GRIN2B: variants seen among roughly 807,000 people sequenced by gnomAD.
GRIN2B encodes the protein glutamate receptor ionotropic, NMDA 2B.
Under a neutral mutation model 114.5 loss-of-function variants are expected in GRIN2B, and 5 were observed. The observed-to-expected ratio is 0.04, with a 90% CI of 0.02 to 0.09. The LOEUF (loss-of-function observed/expected upper bound fraction) is 0.09. Ranked by LOEUF, GRIN2B falls within the 10% of genes least tolerant of loss-of-function variation. GRIN2B has a pLI of 1.00. For missense variants in GRIN2B, 1,108 were observed against 1,943.5 expected (o/e 0.57, Z 8.08); for synonymous variants, 787 against 745.1 (o/e 1.06, Z -0.92).
intron 3 of GRIN2B, among the ~76,000 whole-genome samples, chr12:13,807,931 C>G (rs544405853): frequency 3.0e-4 from 45 of 152,080 alleles, no homozygotes; most frequent in African/African-American, 1.1e-3. Flanking sequence ...GAAAGATAAT[C>G]CATAATCTGT....
chr12:13,642,826 G>T (rs1193295398), intron 5 of GRIN2B, among the ~76,000 whole-genome samples: 1 of 152,132 alleles, frequency 6.6e-6, no homozygotes, highest in Non-Finnish European at 1.5e-5. Context: ...AGCCCAGACT[G>T]GTTTAGTGAC....
chr12:13,655,968 T>G (rs1949859229), intron 5 of GRIN2B, among the ~76,000 whole-genome samples: 1 of 152,204 alleles, frequency 6.6e-6, no homozygotes, highest in Non-Finnish European at 1.5e-5. Flanking sequence ...GTTCCTTACC[T>G]CTTTTGAGAA....
At chr12:13,837,018 C>T (rs1865282152) in intron 3 of GRIN2B, among the ~76,000 whole-genome samples, 1 of 152,216 alleles carries the variant, frequency 6.6e-6, no homozygotes, top group Non-Finnish European at 1.5e-5. Context: ...CATTGGCTTA[C>T]ATCAAATCAT....
At chr12:13,644,131 A>C (rs550507044) in intron 5 of GRIN2B, among the ~76,000 whole-genome samples, 19 of 152,322 alleles carry the variant, frequency 1.2e-4, no homozygotes, top group African/African-American at 4.6e-4. Flanking sequence ...AGGAATCATT[A>C]CATATGGCAG....
At chr12:13,625,757 C>T (rs990207304) in intron 5 of GRIN2B, among the ~76,000 whole-genome samples, 2 of 152,232 alleles carry the variant, frequency 1.3e-5, no homozygotes, top group African/African-American at 2.4e-5. Flanking sequence ...TTTTCATTCA[C>T]GTGCAAATAA....
intron 4 of GRIN2B, among the ~76,000 whole-genome samples, chr12:13,714,428 G>C (rs1401345364): frequency 6.6e-6 from 1 of 151,824 alleles, no homozygotes; most frequent in Non-Finnish European, 1.5e-5. Flanking sequence ...TTTCCCTAGG[G>C]ATTTGAGGAT....
rs1272108299 is a variant in GRIN2B at position 13,584,942 on chromosome 12, C to G, written c.2011-12978G>C. ...CACTGCACTCTACCTCACAGACCAACTTGGGAGGGTACAAGGGATTGTTCC... is the reference window on the plus strand; with the variant it reads ...CACTGCACTCTACCTCACAGACCAAGTTGGGAGGGTACAAGGGATTGTTCC... On this transcript the variant is annotated intron_variant, in intron 10 of 13. Transcript: ENST00000609686. Among the ~76,000 whole-genome samples, 7 of 152,282 alleles carry G rather than the reference C, an allele frequency of 4.6e-5. No individual in the cohort carries two copies. The East Asian group carries it at 1.3e-3, about 29-fold the overall frequency.
intron 5 of GRIN2B, among the ~76,000 whole-genome samples, chr12:13,667,367 T>G (rs1949987047): frequency 6.6e-6 from 1 of 152,118 alleles, no homozygotes; most frequent in South Asian, 2.1e-4. Context: ...GTCCCCTGAT[T>G]GTTCCAGAAT....
At chr12:13,715,889 T>C (rs1018894049) in intron 4 of GRIN2B, among the ~76,000 whole-genome samples, 1 of 151,950 alleles carries the variant, frequency 6.6e-6, no homozygotes, top group African/African-American at 2.4e-5. Context: ...CCAGAAGATC[T>C]GTAGAAGCAG....
intron 4 of GRIN2B, among the ~76,000 whole-genome samples, chr12:13,729,498 A>C (rs1284948561): frequency 6.6e-6 from 1 of 152,078 alleles, no homozygotes; most frequent in Non-Finnish European, 1.5e-5. Flanking sequence ...ACAGTCTTGG[A>C]GGCGGGTGGA....
chr12:13,970,684 TAA>T (rs1862895224), intron 2 of GRIN2B, among the ~76,000 whole-genome samples: 1 of 69,550 alleles, frequency 1.4e-5, no homozygotes, highest in South Asian at 5.4e-4. Context: ...ATGCAGGCTC[TAA>T]ACACACACAC....
intron 5 of GRIN2B, among the ~76,000 whole-genome samples, chr12:13,643,082 G>A (rs1235058015): frequency 1.3e-5 from 2 of 152,128 alleles, no homozygotes; most frequent in South Asian, 2.1e-4. Context: ...CTGTGAAGAC[G>A]AAAGTTATTC....
chr12:13,918,870 C>G (rs1314335511), intron 2 of GRIN2B, among the ~76,000 whole-genome samples: 2 of 152,172 alleles, frequency 1.3e-5, no homozygotes, highest in Non-Finnish European at 2.9e-5. Context: ...GAACAATTAG[C>G]TTGAAAGTCA....
At chr12:13,917,999 C>T (rs1001089430) in intron 2 of GRIN2B, among the ~76,000 whole-genome samples, 2 of 152,086 alleles carry the variant, frequency 1.3e-5, no homozygotes, top group African/African-American at 4.8e-5. Flanking sequence ...CAGTGGTCAG[C>T]TGGCAATATC....
chr12:13,754,363 C>T (rs1229628284), intron 3 of GRIN2B, among the ~76,000 whole-genome samples: 1 of 152,218 alleles, frequency 6.6e-6, no homozygotes, highest in African/African-American at 2.4e-5. Flanking sequence ...CATACACACA[C>T]ATACATACTT....
intron 3 of GRIN2B, among the ~76,000 whole-genome samples, chr12:13,848,573 C>T (rs1865506127): frequency 6.6e-6 from 1 of 152,144 alleles, no homozygotes; most frequent in East Asian, 1.9e-4. Context: ...CATAACTTTT[C>T]CCTGAACTGA....
At chr12:13,949,521 A>G (rs1053611134) in intron 2 of GRIN2B, among the ~76,000 whole-genome samples, 1 of 152,166 alleles carries the variant, frequency 6.6e-6, no homozygotes, top group African/African-American at 2.4e-5. Context: ...GCATTCGGCA[A>G]TCAGCTCAAA....
chr12:13,908,238 GA>G (rs138547976), intron 2 of GRIN2B, among the ~76,000 whole-genome samples: 29 of 145,536 alleles, frequency 2.0e-4, no homozygotes, highest in Admixed American at 4.8e-4. Context: ...CTACATATTT[GA>G]AAAAAAAAAC....
intron 2 of GRIN2B, among the ~76,000 whole-genome samples, chr12:13,962,884 T>G (rs1429776894): frequency 6.6e-6 from 1 of 152,214 alleles, no homozygotes; most frequent in Admixed American, 6.5e-5. Context: ...GGAAGGGTGA[T>G]AGGCACTGTC....
Sources: allele counts gnomAD v4.1 joint callset (sites outside exome capture counted in the v4.1 genomes callset), GRCh38; gene constraint gnomAD v4.1.1; transcripts MANE v1.5; gene names NCBI Gene and HGNC (gene_info 2026-07-23, HGNC 2026-07-21).